Variants in RBFOX1 observed in about 807,000 individuals in gnomAD.
The protein encoded by RBFOX1 is RNA binding fox-1 homolog 1.
In RBFOX1, 8 loss-of-function variants were observed where a neutral mutation model predicts 57.7. The ratio of observed to expected loss-of-function variants is 0.14; its 90% CI spans 0.08 to 0.25. The LOEUF is 0.25. Among genes scored for constraint, RBFOX1 ranks in the 10% least tolerant of loss-of-function variants. The probability of loss-of-function intolerance (pLI) is 1.00; values close to 1 mark genes in which losing one functional copy is unlikely to be tolerated. For synonymous variants in RBFOX1, 326 were observed against 222.4 expected, an observed-to-expected ratio of 1.47 and a Z score of -4.15; for missense variants, 611 against 548.5, an observed-to-expected ratio of 1.11 and a Z score of -1.14.
chr16:6,625,028 G>T (rs954475626), intron 2 of RBFOX1, among the ~76,000 whole-genome samples: 1 of 151,914 alleles, frequency 6.6e-6, no homozygotes, highest in African/African-American at 2.4e-5. Context: ...AGCTGGGTGT[G>T]GTGTCGCAGG....
chr16:5,624,715 G>T (rs2048299117), intron 3 of RBFOX1, among the ~76,000 whole-genome samples: 1 of 152,262 alleles, frequency 6.6e-6, no homozygotes, highest in African/African-American at 2.4e-5. Flanking sequence ...AGGCTAGCTG[G>T]CTTGGACACA....
chr16:7,482,542 ATTTTTTTTTTT>A (rs1178577326), intron 4 of RBFOX1, among the ~76,000 whole-genome samples: 6 of 77,146 alleles, frequency 7.8e-5, no homozygotes, highest in South Asian at 5.4e-4. Flanking sequence ...ATTGCCTGGG[ATTTTTTTTTTT>A]TTTTTTTTTT....
chr16:6,484,791 A>G (rs888181280), intron 2 of RBFOX1, among the ~76,000 whole-genome samples: 4 of 152,170 alleles, frequency 2.6e-5, no homozygotes, highest in Non-Finnish European at 5.9e-5. Flanking sequence ...ACGTTATGAA[A>G]TTATTTGCTA....
At chr16:6,351,521 C>T (rs769558704) in intron 2 of RBFOX1, among the ~76,000 whole-genome samples, 10 of 151,462 alleles carry the variant, frequency 6.6e-5, no homozygotes, top group Non-Finnish European at 1.5e-4. Context: ...CTACAGGCAC[C>T]TGCCACCCTG....
chr16:7,400,834 C>T (rs750193629), intron 4 of RBFOX1, among the ~76,000 whole-genome samples: 10 of 152,172 alleles, frequency 6.6e-5, no homozygotes, highest in Middle Eastern at 3.2e-3. Flanking sequence ...GCTGTTGGTG[C>T]GCTTGCCCAT....
intron 1 of RBFOX1, among the ~76,000 whole-genome samples, chr16:6,084,018 A>G (rs969111973): frequency 3.3e-5 from 5 of 152,200 alleles, no homozygotes; most frequent in African/African-American, 1.2e-4. Context: ...AAAATTTAGT[A>G]GAGTATAACG....
chr16:6,882,987 G>A (rs1195914843), intron 3 of RBFOX1, among the ~76,000 whole-genome samples: 1 of 152,120 alleles, frequency 6.6e-6, no homozygotes, highest in Non-Finnish European at 1.5e-5. Flanking sequence ...TTCTAAAGGT[G>A]AGATTGTGAA....
intron 1 of RBFOX1, among the ~76,000 whole-genome samples, chr16:6,275,578 C>T (rs892528444): frequency 3.3e-5 from 5 of 152,110 alleles, no homozygotes; most frequent in African/African-American, 1.2e-4. Context: ...ATATGGTAGA[C>T]ATGGGGGAGT....
rs189459098 is a variant in RBFOX1 at position 5,715,063 on chromosome 16, C to T, written c.318+116102C>T. Among the ~76,000 whole-genome samples the T allele has an allele frequency of 3.1e-4, 47 of 152,344 alleles. No homozygotes were observed. In the East Asian group the frequency reaches 7.3e-3, roughly 24 times the overall value. On this transcript the variant is annotated intron_variant, in intron 3 of 19. Transcript: ENST00000641259. ...AGAAGGATAACTTTTCCTGCTTCTC[C>T]AGTCTTTTGTTGACGCAGCCGCCTT...
chr16:6,309,714 A>G (rs2080003332), intron 1 of RBFOX1, among the ~76,000 whole-genome samples: 1 of 151,980 alleles, frequency 6.6e-6, no homozygotes. Flanking sequence ...AGCTTCGGGG[A>G]GAAGTTTGCT....
In RBFOX1 at chr16:6,885,880, T is replaced by C. The variant is rs151153658; in HGVS notation, c.-15-166177T>C. Among the ~76,000 whole-genome samples, 6 of 152,274 alleles carry C rather than the reference T, an allele frequency of 3.9e-5. 1 individual carries two copies. Among genetic ancestry groups the C allele is most frequent in the African/African-American group, 1.4e-4 (6 of 41,558 alleles). The stretch of plus-strand genomic sequence containing the variant: ...AGAAATTCTAGAAATGGATACTGTT[T>C]ACTCAATGCAGCATTGGAGAATGAA... On this transcript the variant is annotated intron_variant, in intron 3 of 15. Coordinates refer to ENST00000550418, the MANE Select transcript of RBFOX1 (RefSeq NM_018723.4).
intron 2 of RBFOX1, among the ~76,000 whole-genome samples, chr16:5,544,129 C>G (rs1489458503): frequency 1.3e-5 from 2 of 152,068 alleles, no homozygotes; most frequent in Non-Finnish European, 2.9e-5. Context: ...CTGAGTGCAC[C>G]CAGAGCATTT....
intron 2 of RBFOX1, among the ~76,000 whole-genome samples, chr16:5,499,581 T>G (rs1356394546): frequency 2.0e-5 from 3 of 151,478 alleles, no homozygotes; most frequent in African/African-American, 7.3e-5. Flanking sequence ...TTTTTTAAAT[T>G]TTTTTTTTTG....
At chr16:6,096,464 C>T (rs1167165420) in intron 1 of RBFOX1, among the ~76,000 whole-genome samples, 1 of 152,122 alleles carries the variant, frequency 6.6e-6, no homozygotes, top group Non-Finnish European at 1.5e-5. Context: ...TGATGCCCTG[C>T]ATATCCCCTG....
At chr16:5,936,881 C>T (rs531303159) in intron 4 of RBFOX1, among the ~76,000 whole-genome samples, 13 of 152,266 alleles carry the variant, frequency 8.5e-5, no homozygotes, top group African/African-American at 2.9e-4. Context: ...TCACAGAGGG[C>T]TTTGGGACTG....
At chr16:6,799,178 A>T (rs2084778076) in intron 3 of RBFOX1, among the ~76,000 whole-genome samples, 1 of 152,228 alleles carries the variant, frequency 6.6e-6, no homozygotes, top group South Asian at 2.1e-4. Flanking sequence ...AGAATTCAAA[A>T]GTGTGCTGAT....
intron 4 of RBFOX1, chr16:7,332,715 G>T (rs2096714541): frequency 1.7e-6 from 2 of 1,157,304 alleles, no homozygotes; most frequent in Non-Finnish European, 2.2e-6. Flanking sequence ...AGAGTATTTG[G>T]TTAGTCATGT....
At chr16:6,146,100 G>A (rs1385741143) in intron 1 of RBFOX1, among the ~76,000 whole-genome samples, 4 of 152,118 alleles carry the variant, frequency 2.6e-5, no homozygotes, top group African/African-American at 7.2e-5. Flanking sequence ...TGGTGCTTAC[G>A]TAGCCTGAAG....
chr16:7,632,189 G>T (rs770917030), intron 11 of RBFOX1, among the ~76,000 whole-genome samples: 3 of 152,134 alleles, frequency 2.0e-5, no homozygotes, highest in Non-Finnish European at 4.4e-5. Flanking sequence ...AATTACAGGC[G>T]TGAGCCACTG....
Sources: gnomAD v4.1 joint callset for allele counts (sites outside exome capture counted in the v4.1 genomes callset) on GRCh38, gnomAD v4.1.1 for gene constraint, MANE v1.5 for transcripts, NCBI Gene and HGNC (gene_info 2026-07-23, HGNC 2026-07-21) for gene names.